Variants in TNS1 observed in about 807,000 individuals in gnomAD.
The protein encoded by TNS1 is tensin-1.
TNS1 carries 62 observed loss-of-function variants against 168.6 expected under a neutral mutation model. The observed-to-expected ratio is 0.37, with a 90% CI of 0.30 to 0.45. TNS1 has a LOEUF of 0.45. Ranked by LOEUF, TNS1 falls within the 20% of genes least tolerant of loss-of-function variation. The pLI, the probability that TNS1 is intolerant of heterozygous loss-of-function variation, is 1.00. For missense variants in TNS1, 2,240 were observed against 2,339.4 expected (o/e 0.96, Z 0.88); for synonymous variants, 934 against 933.2 (o/e 1.00, Z -0.02).
intron 1 of TNS1, among the ~76,000 whole-genome samples, chr2:218,009,016 TGAGAAAACCAA>T (rs1476277202): frequency 1.3e-5 from 2 of 152,312 alleles, no homozygotes; most frequent in East Asian, 3.9e-4. Context: ...ATTTTACAGA[TGAGAAAACCAA>T]GATACAGGCA....
intron 3 of TNS1, among the ~76,000 whole-genome samples, 197 bp from the exon 4 acceptor site, chr2:217,920,433 G>A (rs1022024661): frequency 6.6e-6 from 1 of 152,166 alleles, no homozygotes; most frequent in Admixed American, 6.5e-5. Flanking sequence ...AAAGGGAGCG[G>A]GGGCCGCAGA....
chr2:218,011,048 C>A (rs554667415), upstream of TNS1, among the ~76,000 whole-genome samples: 1 of 152,274 alleles, frequency 6.6e-6, no homozygotes, highest in East Asian at 1.9e-4. Flanking sequence ...TTGGAAGGGA[C>A]CCTGCCTGGG....
Position 217,848,719 on chromosome 2 carries a change from A to T in TNS1, c.1798T>A (p.Ser600Thr). 6.2e-7 allele frequency: 1 copy of T among 1,614,148 alleles called. No individual in the cohort carries two copies. The highest frequency in any genetic ancestry group is 8.5e-7 in the Non-Finnish European group (1 of 1,180,028). Reference protein sequence around the residue: ...SRPAGGSAVPSSGRHVVPAQV... With the variant: ...SRPAGGSAVPTSGRHVVPAQV... ...GCTGGGACAACGTGGCGTCCAGAGGAGGGCACAGCCGAGCCCCCTGCTGGG... is the reference window on the plus strand; with the variant it reads ...GCTGGGACAACGTGGCGTCCAGAGGTGGGCACAGCCGAGCCCCCTGCTGGG... The change falls in exon 19 of 33, where the codon TCC (serine) becomes ACC (threonine). Residue 600 changes from serine to threonine, a missense_variant. Coordinates refer to ENST00000682258, the MANE Select transcript of TNS1 (RefSeq NM_001387777.1).
intron 19 of TNS1, among the ~76,000 whole-genome samples, chr2:217,844,093 T>G (rs1450070576): frequency 2.0e-5 from 3 of 152,096 alleles, no homozygotes; most frequent in Non-Finnish European, 2.9e-5. Context: ...TTCATGGAGC[T>G]CAGAATCATT....
intron 3 of TNS1, among the ~76,000 whole-genome samples, chr2:217,940,751 C>A (rs531176648): frequency 2.0e-5 from 3 of 152,140 alleles, no homozygotes; most frequent in Admixed American, 6.5e-5. Context: ...CAGGCATCCA[C>A]AGAGGGGCTG....
intron 18 of TNS1, among the ~76,000 whole-genome samples, chr2:217,852,396 C>T (rs544279756): frequency 6.6e-6 from 1 of 152,306 alleles, no homozygotes; most frequent in East Asian, 1.9e-4. Flanking sequence ...GCCAGTGATC[C>T]CCTCCATCCT....
chr2:217,937,760 G>A (rs2125926427), intron 3 of TNS1, among the ~76,000 whole-genome samples: 1 of 152,240 alleles, frequency 6.6e-6, no homozygotes, highest in South Asian at 2.1e-4. Flanking sequence ...CGAGAGAAGG[G>A]ACTCAGGTGG....
At chr2:218,021,749 G>A (rs558114388) in intron 1 of TNS1, among the ~76,000 whole-genome samples, 85 of 152,334 alleles carry the variant, frequency 5.6e-4, no homozygotes, top group African/African-American at 2.0e-3. Context: ...CAGCAGACAT[G>A]TCCCCCAAGG....
At chr2:217,990,393 GGCCACACACCA>G (rs901069843) in intron 2 of TNS1, among the ~76,000 whole-genome samples, 18 of 95,466 alleles carry the variant, frequency 1.9e-4, no homozygotes, top group Non-Finnish European at 3.1e-4. Context: ...TCCACACATA[GGCCACACACCA>G]GCCACACACC....
At chr2:217,811,443 A>C (rs1940877927) in intron 28 of TNS1, among the ~76,000 whole-genome samples, 1 of 152,224 alleles carries the variant, frequency 6.6e-6, no homozygotes, top group Non-Finnish European at 1.5e-5. Context: ...GAATTGGATA[A>C]GTAGAAATTG....
chr2:217,818,351 A>C lies in TNS1; in HGVS notation c.3981T>G (p.Thr1327=), dbSNP rs1275388606. Residue 1327 remains threonine (T), a synonymous_variant, in exon 24 of 33, where the codon ACT becomes ACG. Coordinates refer to ENST00000682258, the MANE Select transcript of TNS1 (RefSeq NM_001387777.1). ...TGGAGACAGTGCTACCATGGAAGCC[A>C]GTGCCTGGTGGACCCATCATCTGGT... ...SHHQMMGPPG[T]GFHGSTVSSP... 1 of 1,614,176 alleles carries C rather than the reference A, an allele frequency of 6.2e-7. No individual in the cohort carries two copies. Among genetic ancestry groups the C allele is most frequent in the South Asian group, 1.1e-5 (1 of 91,080 alleles).
At chr2:217,830,220 T>C in intron 22 of TNS1, 1 of 1,061,648 alleles carries the variant, frequency 9.4e-7, no homozygotes, top group Non-Finnish European at 1.4e-6. Flanking sequence ...CAAGCAGGAG[T>C]GTGCTGGCTG....
At chr2:217,957,080 C>T (rs1010300137) in intron 3 of TNS1, among the ~76,000 whole-genome samples, 21 of 152,194 alleles carry the variant, frequency 1.4e-4, no homozygotes, top group Non-Finnish European at 1.2e-4. Context: ...AGTAGGACCA[C>T]GGTATGGAGC....
At chr2:217,900,332 G>A (rs531810914) in intron 7 of TNS1, 131 bp downstream of exon 7, 18 of 1,034,806 alleles carry the variant, frequency 1.7e-5, no homozygotes, top group East Asian at 1.6e-4. Flanking sequence ...TGCCTTTCAC[G>A]TTTGCCCACA....
chr2:217,920,043 C>T (rs1955552747), intron 4 of TNS1, among the ~76,000 whole-genome samples, 152 bp downstream of exon 4: 1 of 152,238 alleles, frequency 6.6e-6, no homozygotes, highest in South Asian at 2.1e-4. Flanking sequence ...TCCTCCCAGG[C>T]CCGCTTCGGC....
intron 13 of TNS1, 105 bp from the exon 14 acceptor site, chr2:217,886,209 G>C: frequency 8.1e-7 from 1 of 1,237,878 alleles, no homozygotes; most frequent in South Asian, 1.3e-5. Flanking sequence ...AAGAAATGGG[G>C]GAAGACGGGG....
intron 22 of TNS1, among the ~76,000 whole-genome samples, chr2:217,825,710 A>G (rs748061672): frequency 1.2e-4 from 18 of 152,204 alleles, no homozygotes; most frequent in Non-Finnish European, 1.8e-4. Flanking sequence ...GGCTGGGTCT[A>G]CTAACTGCTT....
chr2:217,859,641 T>G, intron 18 of TNS1: 2 of 1,536,438 alleles, frequency 1.3e-6, no homozygotes, highest in Non-Finnish European at 1.7e-6. Flanking sequence ...GGTATATTGA[T>G]CCTCCAGGCC....
chr2:217,903,350 A>G (rs1443939502), intron 6 of TNS1, among the ~76,000 whole-genome samples: 1 of 152,224 alleles, frequency 6.6e-6, no homozygotes, highest in Non-Finnish European at 1.5e-5. Context: ...GGCACTGCAC[A>G]GTGCTCACAT....
Sources: allele counts gnomAD v4.1 joint callset (sites outside exome capture counted in the v4.1 genomes callset), GRCh38; gene constraint gnomAD v4.1.1; transcripts MANE v1.5; gene names NCBI Gene and HGNC (gene_info 2026-07-23, HGNC 2026-07-21).